Variants in USP20 observed in about 807,000 individuals in gnomAD.
USP20 encodes the protein ubiquitin carboxyl-terminal hydrolase 20.
A neutral mutation model predicts 124.2 loss-of-function variants in USP20; 80 were observed. The ratio of observed to expected loss-of-function variants is 0.64; its 90% CI spans 0.54 to 0.78. The LOEUF (loss-of-function observed/expected upper bound fraction) is 0.78. Among genes scored for constraint, USP20 ranks in the 30% least tolerant of loss-of-function variants. USP20 has a pLI of 0.00. For missense variants in USP20, 1,043 were observed against 1,244.4 expected (o/e 0.84, Z 2.44); for synonymous variants, 481 against 512.3 (o/e 0.94, Z 0.83).
intron 15 of USP20, among the ~76,000 whole-genome samples, chr9:129,873,080 C>CTGTTTTTTT (rs1554750573): frequency 6.4e-5 from 5 of 78,366 alleles, no homozygotes; most frequent in Non-Finnish European, 4.7e-5. Context: ...TTTTCTTCTT[C>CTGTTTTTTT]TTTTTTTTTT....
At chr9:129,865,480 G>A (rs941963853) in intron 10 of USP20, 99 bp downstream of exon 10, 3 of 1,276,454 alleles carry the variant, frequency 2.4e-6, no homozygotes, top group African/African-American at 1.5e-5. Flanking sequence ...TGGCAGCTGA[G>A]CACTGGTTGG....
At chr9:129,842,599 T>G (rs1211036185) in intron 1 of USP20, among the ~76,000 whole-genome samples, 1 of 151,860 alleles carries the variant, frequency 6.6e-6, no homozygotes, top group East Asian at 1.9e-4. Context: ...GTGGAAGTTT[T>G]TTTTTTTTTT....
Position 129,856,334 on chromosome 9 carries a change from G to A in USP20, c.109G>A (p.Gly37Arg), listed in dbSNP as rs539214074. The A allele has an allele frequency of 8.7e-6, 14 of 1,614,188 alleles. No homozygotes were observed. The Admixed American group carries it at 1.2e-4, about 13-fold the overall frequency. The change falls in exon 4 of 26, where the codon GGA (glycine) becomes AGA (arginine). Residue 37 changes from glycine (G) to arginine (R), a missense_variant. By Grantham distance (125) the Gly-to-Arg change is moderately radical. Transcript: ENST00000372429. ...AACCTGTCAGTCGTGTGGGGTCACCGGACCAAACCTATGGGCCTGTCTGCA... is the reference window on the plus strand; with the variant it reads ...AACCTGTCAGTCGTGTGGGGTCACCAGACCAAACCTATGGGCCTGTCTGCA... Reference protein sequence around the residue: ...KGTCQSCGVTGPNLWACLQVA... With the variant: ...KGTCQSCGVTRPNLWACLQVA...
At chr9:129,846,253 T>TA (rs2032558859) in intron 1 of USP20, among the ~76,000 whole-genome samples, 1 of 107,610 alleles carries the variant, frequency 9.3e-6, no homozygotes, top group Admixed American at 9.3e-5. Context: ...ATATATTTTT[T>TA]TTTTTTTTTT....
intron 1 of USP20, among the ~76,000 whole-genome samples, chr9:129,846,247 A>ATATATATATATATATTTTTTT (rs1554742656): frequency 3.1e-5 from 1 of 32,682 alleles, no homozygotes; most frequent in Non-Finnish European, 5.2e-5. Context: ...ATATATATAT[A>ATATATATATATATATTTTTTT]TTTTTTTTTT....
At chr9:129,848,049 G>A (rs1162160448) in intron 1 of USP20, among the ~76,000 whole-genome samples, 1 of 152,112 alleles carries the variant, frequency 6.6e-6, no homozygotes. Flanking sequence ...TGTAATCCCA[G>A]CACTTGGGAG....
intron 8 of USP20, 92 bp downstream of exon 8, chr9:129,861,704 A>G: frequency 8.4e-7 from 1 of 1,185,162 alleles, no homozygotes; most frequent in Non-Finnish European, 1.2e-6. Flanking sequence ...TTGCCCACAA[A>G]CACATGTATA....
intron 1 of USP20, among the ~76,000 whole-genome samples, chr9:129,836,604 T>C (rs2031854640): frequency 6.6e-6 from 1 of 152,168 alleles, no homozygotes; most frequent in South Asian, 2.1e-4. Context: ...TGGAAGACCA[T>C]TCCGAAGCAG....
intron 12 of USP20, 90 bp downstream of exon 12, chr9:129,869,092 G>A: frequency 6.7e-7 from 1 of 1,483,942 alleles, no homozygotes; most frequent in Non-Finnish European, 9.0e-7. Flanking sequence ...CTGTGGCGGA[G>A]GGCCGGGCTA....
chr9:129,850,881 T>TG, intron 2 of USP20, among the ~76,000 whole-genome samples: 1 of 152,172 alleles, frequency 6.6e-6, no homozygotes, highest in East Asian at 1.9e-4. Flanking sequence ...CTTGATCTCC[T>TG]GACCTCAGGT....
rs752546981 is a variant in USP20, at chr9:129,869,362, C to T, written c.1329C>T (p.Ser443=). The change falls in exon 13 of 26, where the codon AGC becomes AGT. Residue 443 remains serine, a synonymous_variant. Coordinates refer to ENST00000372429, the MANE Select transcript of USP20 (RefSeq NM_001110303.4). ...GGCGGAAGGAGCAGCGCTACCGCAG[C>T]GTCATCTCAGACATCTTTGACGGCT... ...SRRRKEQRYR[S]VISDIFDGSI... The T allele has an allele frequency of 1.6e-5, 26 of 1,613,648 alleles. No individual in the cohort carries two copies. The highest frequency in any genetic ancestry group is 8.9e-5 in the East Asian group (4 of 44,896).
At chr9:129,840,250 A>G (rs1481102242) in intron 1 of USP20, among the ~76,000 whole-genome samples, 1 of 152,248 alleles carries the variant, frequency 6.6e-6, no homozygotes, top group African/African-American at 2.4e-5. Context: ...ACAGAGGCAC[A>G]GGTGGGACGG....
At position 129,880,298 on chromosome 9, in the gene USP20, C is replaced by T. The variant is rs766791152; in HGVS notation, c.*16+9C>T. On this transcript the variant is annotated intron_variant, in intron 25 of 25. Coordinates refer to ENST00000372429, the MANE Select transcript of USP20 (RefSeq NM_001110303.4). ...ATCTGCTGGGCTAGTCTGTAAGTCGCCCCGGCTGGTCCCTCCATGGCACTC... is the reference window on the plus strand; with the variant it reads ...ATCTGCTGGGCTAGTCTGTAAGTCGTCCCGGCTGGTCCCTCCATGGCACTC... 2 of 1,558,108 alleles carry T rather than the reference C, an allele frequency of 1.3e-6. No individual in the cohort carries two copies. The highest frequency in any genetic ancestry group is 2.4e-5 in the East Asian group (1 of 42,320).
At chr9:129,837,668 G>A (rs554228736) in intron 1 of USP20, among the ~76,000 whole-genome samples, 7 of 152,272 alleles carry the variant, frequency 4.6e-5, no homozygotes, top group African/African-American at 1.7e-4. Flanking sequence ...AAGTGCTGTG[G>A]AAAAGAAACA....
At chr9:129,849,063 C>T (rs1167400556) in intron 1 of USP20, among the ~76,000 whole-genome samples, 1 of 152,138 alleles carries the variant, frequency 6.6e-6, no homozygotes, top group African/African-American at 2.4e-5. Context: ...TCAGGAAATC[C>T]CTGAGAGCTC....
intron 6 of USP20, among the ~76,000 whole-genome samples, chr9:129,859,284 A>ATTTTATTTTATTTTATTTTATTTTATTTT (rs1554746154): frequency 2.2e-5 from 3 of 137,882 alleles, no homozygotes; most frequent in Non-Finnish European, 3.1e-5. Context: ...ATTTTATTTT[A>ATTTTATTTTATTTTATTTTATTTTATTTT]ATTTTTTGAG....
chr9:129,849,226 C>G (rs145497201), intron 1 of USP20, among the ~76,000 whole-genome samples: 315 of 152,268 alleles, frequency 2.1e-3, no homozygotes, highest in African/African-American at 7.0e-3. Flanking sequence ...TGGGGAGCAC[C>G]AAGGTAATGC....
intron 3 of USP20, among the ~76,000 whole-genome samples, chr9:129,853,677 G>C (rs2033057423): frequency 6.6e-6 from 1 of 152,228 alleles, no homozygotes. Context: ...AGCTGCTTTT[G>C]AAGTGACTTT....
intron 22 of USP20, among the ~76,000 whole-genome samples, chr9:129,877,794 C>T (rs995938875): frequency 5.9e-5 from 9 of 152,112 alleles, no homozygotes; most frequent in African/African-American, 1.2e-4. Flanking sequence ...TCTCCCAGGC[C>T]GGGCGCAGTG....
Sources: allele counts gnomAD v4.1 joint callset (sites outside exome capture counted in the v4.1 genomes callset), GRCh38; gene constraint gnomAD v4.1.1; transcripts MANE v1.5; gene names NCBI Gene and HGNC (gene_info 2026-07-23, HGNC 2026-07-21).